Variants in NTM observed in about 807,000 individuals in gnomAD.
NTM encodes the protein neurotrimin, also known as IgLON family member 2.
Under a neutral mutation model 42.1 loss-of-function variants are expected in NTM, and 13 were observed. The ratio of observed to expected loss-of-function variants is 0.31; its 90% CI spans 0.20 to 0.49. The LOEUF is 0.49. Among genes scored for constraint, NTM ranks in the 20% least tolerant of loss-of-function variants. The pLI is 0.99. For missense variants in NTM, 373 were observed against 452.8 expected, an observed-to-expected ratio of 0.82 and a Z score of 1.60; for synonymous variants, 187 against 179.2, an observed-to-expected ratio of 1.04 and a Z score of -0.35.
chr11:131,370,802 A>C lies in NTM; in HGVS notation c.-5A>C. On this transcript the variant is annotated 5_prime_UTR_variant, in exon 1 of 9. Coordinates refer to ENST00000683400, the MANE Select transcript of NTM (RefSeq NM_001352005.2). ...AAAAGAAGAAAAAGAAGAAGAAAAA[A>C]AATCATGAAAACCATCCAGCCAAAA... The C allele has an allele frequency of 6.2e-7, 1 of 1,610,976 alleles. No homozygotes were observed. The highest frequency in any genetic ancestry group is 8.5e-7 in the Non-Finnish European group (1 of 1,179,036).
intron 1 of NTM, among the ~76,000 whole-genome samples, chr11:131,724,231 G>A (rs1305206168): frequency 6.6e-6 from 1 of 152,096 alleles, no homozygotes; most frequent in African/African-American, 2.4e-5. Context: ...CACCTTCTCT[G>A]CTTGTCTGAT....
At chr11:131,563,195 A>T (rs2056449966) in intron 1 of NTM, among the ~76,000 whole-genome samples, 4 of 152,146 alleles carry the variant, frequency 2.6e-5, no homozygotes, top group Admixed American at 2.6e-4. Flanking sequence ...CCTTTGCTTG[A>T]AAGAATCCAT....
chr11:131,392,436 C>T (rs559072230), intron 1 of NTM, among the ~76,000 whole-genome samples: 1 of 152,322 alleles, frequency 6.6e-6, no homozygotes, highest in African/African-American at 2.4e-5. Flanking sequence ...CTCTGTGCAA[C>T]CACAGAGCCC....
chr11:131,899,186 T>C (rs2052748749), intron 1 of NTM, among the ~76,000 whole-genome samples: 1 of 151,682 alleles, frequency 6.6e-6, no homozygotes, highest in African/African-American at 2.4e-5. Flanking sequence ...AAAAAACAAG[T>C]GAGTGCACAG....
intron 1 of NTM, among the ~76,000 whole-genome samples, chr11:131,749,474 T>C (rs368334749): frequency 3.3e-5 from 5 of 152,354 alleles, no homozygotes; most frequent in African/African-American, 1.2e-4. Flanking sequence ...GGCAAATCAT[T>C]ATTTTTCTTT....
At chr11:131,843,999 T>C (rs1005994362) in intron 1 of NTM, among the ~76,000 whole-genome samples, 2 of 152,186 alleles carry the variant, frequency 1.3e-5, no homozygotes, top group Admixed American at 6.5e-5. Context: ...ATGTCTTCTT[T>C]TTTTTGTAGA....
intron 1 of NTM, among the ~76,000 whole-genome samples, chr11:131,653,988 A>G (rs1451279310): frequency 2.0e-5 from 3 of 152,200 alleles, no homozygotes; most frequent in Non-Finnish European, 4.4e-5. Context: ...TCCATCAGCA[A>G]CAATGTGACT....
At chr11:132,245,760 G>A (rs1257979610) in intron 4 of NTM, among the ~76,000 whole-genome samples, 1 of 152,002 alleles carries the variant, frequency 6.6e-6, no homozygotes, top group Non-Finnish European at 1.5e-5. Flanking sequence ...GCCACTACTC[G>A]GCTCAGCCAT....
Position 132,192,830 on chromosome 11 carries a change from GA to G in NTM, c.401-19187del, listed in dbSNP as rs200095526. Among the ~76,000 whole-genome samples, 701 of 152,124 alleles carry G rather than the reference GA, an allele frequency of 4.6e-3. 3 individuals carry two copies. Among genetic ancestry groups the G allele is most frequent in the Admixed American group, 7.1e-3 (108 of 15,282 alleles). ...AAGATGTATCAGTCAAACAGAAAAT[GA>G]AAAAGAGTAGGGGTCGCCATTCTTA... is the stretch of plus-strand genomic sequence containing the variant. On this transcript the variant is annotated intron_variant, in intron 3 of 8. Transcript: ENST00000683400.
intron 3 of NTM, among the ~76,000 whole-genome samples, chr11:132,192,467 G>C (rs2079466049): frequency 1.3e-5 from 2 of 152,152 alleles, no homozygotes; most frequent in South Asian, 2.1e-4. Flanking sequence ...CAAACACTAA[G>C]GGAATTTGTT....
intron 3 of NTM, among the ~76,000 whole-genome samples, chr11:132,206,277 A>G (rs1426585080): frequency 6.6e-6 from 1 of 152,226 alleles, no homozygotes; most frequent in Non-Finnish European, 1.5e-5. Context: ...GGATAGAGCT[A>G]AAACCTAGGC....
intron 4 of NTM, among the ~76,000 whole-genome samples, chr11:132,255,926 C>T (rs2092434023): frequency 6.6e-6 from 1 of 152,106 alleles, no homozygotes; most frequent in Admixed American, 6.5e-5. Flanking sequence ...ACAAATGCAT[C>T]TCACTCCCAA....
At chr11:132,321,196 G>C (rs971913516) in intron 7 of NTM, among the ~76,000 whole-genome samples, 12 of 152,342 alleles carry the variant, frequency 7.9e-5, no homozygotes, top group Middle Eastern at 3.4e-3. Context: ...GACGAGCTGA[G>C]AGAAGACAGC....
chr11:131,587,875 C>A (rs543303137), intron 1 of NTM, among the ~76,000 whole-genome samples: 1 of 152,048 alleles, frequency 6.6e-6, no homozygotes, highest in African/African-American at 2.4e-5. Context: ...TGGTGGAATA[C>A]AAAGTGAGAG....
chr11:131,510,339 G>T (rs918388852), intron 1 of NTM, among the ~76,000 whole-genome samples: 2 of 152,168 alleles, frequency 1.3e-5, no homozygotes, highest in Non-Finnish European at 2.9e-5. Flanking sequence ...CAGGGAATCT[G>T]CCAGGTGAAA....
At chr11:131,411,659 A>G (rs1946441397) in intron 1 of NTM, among the ~76,000 whole-genome samples, 1 of 151,574 alleles carries the variant, frequency 6.6e-6, no homozygotes, top group Non-Finnish European at 1.5e-5. Flanking sequence ...TCCTGAAATC[A>G]GGGGAAGGTG....
intron 1 of NTM, among the ~76,000 whole-genome samples, chr11:131,372,003 G>T (rs1294257385): frequency 6.6e-6 from 1 of 152,066 alleles, no homozygotes; most frequent in Non-Finnish European, 1.5e-5. Context: ...CCACCCCCTC[G>T]CCCTCTTCTC....
At chr11:132,246,288 T>C (rs972204268) in intron 4 of NTM, among the ~76,000 whole-genome samples, 1 of 152,238 alleles carries the variant, frequency 6.6e-6, no homozygotes, top group African/African-American at 2.4e-5. Flanking sequence ...CGCGTGCGTG[T>C]GTGTCTCCAC....
At chr11:131,790,505 T>C (rs1463632672) in intron 1 of NTM, among the ~76,000 whole-genome samples, 1 of 152,212 alleles carries the variant, frequency 6.6e-6, no homozygotes, top group South Asian at 2.1e-4. Context: ...CATTTCCTTT[T>C]ACCCTCATGG....
Sources: gnomAD v4.1 joint callset for allele counts (sites outside exome capture counted in the v4.1 genomes callset) on GRCh38, gnomAD v4.1.1 for gene constraint, MANE v1.5 for transcripts, NCBI Gene and HGNC (gene_info 2026-07-23, HGNC 2026-07-21) for gene names.